LMF1: variants seen among roughly 807,000 people sequenced by gnomAD.
The protein encoded by LMF1 is lipase maturation factor 1.
LMF1 carries 68 observed loss-of-function variants against 60.6 expected under a neutral mutation model. The observed-to-expected ratio is 1.12, with a 90% CI of 0.92 to 1.37. LMF1 has a LOEUF of 1.37. Ranked by LOEUF, LMF1 falls within the 40% of genes most tolerant of loss-of-function variation. The probability of loss-of-function intolerance (pLI) is 0.00; values close to 1 mark genes in which losing one functional copy is unlikely to be tolerated. For missense variants in LMF1, 948 were observed against 767.2 expected, an observed-to-expected ratio of 1.24 and a Z score of -2.78; for synonymous variants, 418 against 324.7, an observed-to-expected ratio of 1.29 and a Z score of -3.09.
intron 10 of LMF1, among the ~76,000 whole-genome samples, chr16:865,017 T>A (rs1472000541): frequency 6.6e-6 from 1 of 152,252 alleles, no homozygotes; most frequent in Non-Finnish European, 1.5e-5. Flanking sequence ...CTGATTTCTT[T>A]GTTTTTCCCA....
intron 6 of LMF1, chr16:872,221 C>T (rs558741244): frequency 2.6e-5 from 4 of 152,314 alleles, no homozygotes; most frequent in South Asian, 4.1e-4. Context: ...GACCCTGGGC[C>T]GGCAGGACCT....
At chr16:907,876 G>C (rs1481900337) in intron 4 of LMF1, among the ~76,000 whole-genome samples, 1 of 152,160 alleles carries the variant, frequency 6.6e-6, no homozygotes, top group Non-Finnish European at 1.5e-5. Flanking sequence ...TCTCCAGCTG[G>C]CACTAGCAAT....
At chr16:965,393 C>G (rs1041873764) in intron 1 of LMF1, among the ~76,000 whole-genome samples, 2 of 152,126 alleles carry the variant, frequency 1.3e-5, no homozygotes, top group Admixed American at 1.3e-4. Flanking sequence ...CAAGGACAAG[C>G]CTTGAGGCTG....
chr16:877,435 G>C (rs775091729), intron 6 of LMF1, among the ~76,000 whole-genome samples: 2 of 152,020 alleles, frequency 1.3e-5, no homozygotes, highest in African/African-American at 4.8e-5. Flanking sequence ...TGTGAGGGAC[G>C]GTCACCTCTG....
At chr16:906,618 AC>A (rs1333837544) in intron 4 of LMF1, among the ~76,000 whole-genome samples, 1 of 151,444 alleles carries the variant, frequency 6.6e-6, no homozygotes, top group Non-Finnish European at 1.5e-5. Context: ...TACTCAATAA[AC>A]CCCTTTATAT....
intron 2 of LMF1, 106 bp from the exon 3 acceptor site, chr16:934,360 G>T: frequency 1.4e-6 from 2 of 1,455,610 alleles, no homozygotes; most frequent in Non-Finnish European, 1.9e-6. Flanking sequence ...AGCACGGTGT[G>T]GGGTCAGGGA....
intron 2 of LMF1, among the ~76,000 whole-genome samples, chr16:948,181 C>CA (rs1220978790): frequency 6.7e-6 from 1 of 149,808 alleles, no homozygotes; most frequent in East Asian, 2.0e-4. Flanking sequence ...CAGCCAACGA[C>CA]AGAGTCAGAG....
rs1212334325 is a variant in LMF1, at chr16:878,766, C to CGGGCAGGGG, written c.897+803_897+804insCCCCTGCCC. ...AGGGCGGGGGCAGGGGCGGGCAGGG[C>CGGGCAGGGG]AGGGGAAGGGGCGTGGGACACCCAG... On this transcript the variant is annotated intron_variant, in intron 6 of 10. Coordinates refer to ENST00000262301, the MANE Select transcript of LMF1 (RefSeq NM_022773.4). The surrounding 1 kb of genome is among the most constrained non-coding windows in gnomAD (Gnocchi z 5.2). Among the ~76,000 whole-genome samples, 31 of 126,202 alleles carry CGGGCAGGGG rather than the reference C, an allele frequency of 2.5e-4. No individual in the cohort carries two copies. Among genetic ancestry groups the CGGGCAGGGG allele is most frequent in the African/African-American group, 1.0e-3 (31 of 29,836 alleles). The allele number at this position is 126,202 out of a possible 152,430, so 82.8% of individuals were successfully genotyped here.
intron 1 of LMF1, among the ~76,000 whole-genome samples, chr16:955,344 T>C (rs1423918497): frequency 6.9e-6 from 1 of 144,574 alleles, no homozygotes; most frequent in South Asian, 2.3e-4. Flanking sequence ...CACATCTAAG[T>C]GAACCCGACC....
At chr16:928,764 C>T (rs2151778707) in intron 3 of LMF1, among the ~76,000 whole-genome samples, 1 of 151,946 alleles carries the variant, frequency 6.6e-6, no homozygotes, top group Non-Finnish European at 1.5e-5. Flanking sequence ...CCCACGGGCC[C>T]ATCCCTACAC....
chr16:872,822 A>G (rs896419237), intron 6 of LMF1: 1 of 152,306 alleles, frequency 6.6e-6, no homozygotes, highest in African/African-American at 2.4e-5. Flanking sequence ...GATGGGACCA[A>G]AGCGACCTGG....
chr16:911,945 G>T (rs1042528353), intron 3 of LMF1, among the ~76,000 whole-genome samples: 2 of 152,146 alleles, frequency 1.3e-5, no homozygotes, highest in Non-Finnish European at 2.9e-5. Flanking sequence ...CCCAGCATAA[G>T]AATGCGGATG....
At chr16:965,651 G>T (rs1193450178) in intron 1 of LMF1, among the ~76,000 whole-genome samples, 1 of 152,204 alleles carries the variant, frequency 6.6e-6, no homozygotes, top group Non-Finnish European at 1.5e-5. Flanking sequence ...AAAGCTGCTT[G>T]GGGATACACT....
chr16:978,684 G>C (rs1280324197), intron 1 of LMF1, among the ~76,000 whole-genome samples: 1 of 152,138 alleles, frequency 6.6e-6, no homozygotes, highest in African/African-American at 2.4e-5. Flanking sequence ...GTGAGGTCAG[G>C]GTGGGTGGGG....
At position 874,500 on chromosome 16, in the gene LMF1, G is replaced by A. The variant is rs960640680; in HGVS notation, c.898-3159C>T. Among the ~76,000 whole-genome samples, 1 of 152,204 alleles carries A rather than the reference G, an allele frequency of 6.6e-6. No homozygotes were observed. The highest frequency in any genetic ancestry group is 6.5e-5 in the Admixed American group (1 of 15,288). On this transcript the variant is annotated intron_variant, in intron 6 of 10. Coordinates refer to ENST00000262301, the MANE Select transcript of LMF1 (RefSeq NM_022773.4). This position sits in a 1 kb window ranked among gnomAD's most constrained non-coding sequence, Gnocchi z 4.1. ...CCTAGTGGAGGCTGATGGCTCCCGTGGGGTGCTGGCTGGGCGGCCGGGCTC... is the reference window on the plus strand; with the variant it reads ...CCTAGTGGAGGCTGATGGCTCCCGTAGGGTGCTGGCTGGGCGGCCGGGCTC...
intron 6 of LMF1, among the ~76,000 whole-genome samples, chr16:877,110 T>G (rs937487869): frequency 6.6e-6 from 1 of 151,572 alleles, no homozygotes; most frequent in African/African-American, 2.4e-5. Context: ...GCAGGAGGAG[T>G]GCTCGAGCCC....
rs534006797 is a variant in LMF1, at chr16:942,933, G to C, written c.504-8679C>G. On this transcript the variant is annotated intron_variant, in intron 2 of 10. Transcript: ENST00000262301. ...CTTTTTTCTGTTTGTTCTTTAGCTT[G>C]GATAATTTCTACAGATTTCTCTTAA... Among the ~76,000 whole-genome samples the C allele has an allele frequency of 1.3e-5, 2 of 152,320 alleles. 1 individual carries two copies. Among genetic ancestry groups the C allele is most frequent in the African/African-American group, 4.8e-5 (2 of 41,580 alleles).
chr16:893,818 G>A (rs970400280), intron 4 of LMF1, among the ~76,000 whole-genome samples: 5 of 152,008 alleles, frequency 3.3e-5, no homozygotes, highest in East Asian at 3.9e-4. Flanking sequence ...CCCTCTTCCC[G>A]CTAACCCTAA....
intron 4 of LMF1, among the ~76,000 whole-genome samples, chr16:895,571 G>C (rs2070639531): frequency 6.6e-6 from 1 of 152,208 alleles, no homozygotes; most frequent in Non-Finnish European, 1.5e-5. Flanking sequence ...CCTGGGCAGG[G>C]GAGGGGCGTG....
Sources: allele counts gnomAD v4.1 joint callset (sites outside exome capture counted in the v4.1 genomes callset), GRCh38; gene constraint gnomAD v4.1.1; non-coding constraint Gnocchi (gnomAD v3.1); transcripts MANE v1.5; gene names NCBI Gene and HGNC (gene_info 2026-07-23, HGNC 2026-07-21).